COL11A1: variants seen among roughly 807,000 people sequenced by gnomAD.
COL11A1 encodes the protein collagen type XI alpha 1 chain.
Under a neutral mutation model 265.2 loss-of-function variants are expected in COL11A1, and 74 were observed. That is an observed-to-expected ratio of 0.28 (90% confidence interval 0.23 to 0.34). The LOEUF is 0.34. Among genes scored for constraint, COL11A1 ranks in the 10% least tolerant of loss-of-function variants. COL11A1 has a pLI of 1.00. For missense variants in COL11A1, 2,165 were observed against 2,263.6 expected, an observed-to-expected ratio of 0.96 and a Z score of 0.88; for synonymous variants, 816 against 727.6, an observed-to-expected ratio of 1.12 and a Z score of -1.96.
chr1:102,879,602 A>C, intron 66 of COL11A1, 81 bp downstream of exon 66: 1 of 1,253,644 alleles, frequency 8.0e-7, no homozygotes, highest in South Asian at 1.2e-5. Context: ...TTCATGAGAA[A>C]AATCTGGCTA....
chr1:102,980,117 C>T (rs562048937), intron 31 of COL11A1, among the ~76,000 whole-genome samples: 18 of 151,972 alleles, frequency 1.2e-4, no homozygotes, highest in African/African-American at 4.1e-4. Flanking sequence ...ATTACTTATG[C>T]GCATCAAGTA....
intron 7 of COL11A1, among the ~76,000 whole-genome samples, chr1:103,023,374 T>G (rs1167349658): frequency 6.6e-6 from 1 of 151,850 alleles, no homozygotes; most frequent in African/African-American, 2.4e-5. Context: ...TTCTTTCTTT[T>G]TTTTTTTTGA....
chr1:103,051,979 A>G (rs555902459), intron 4 of COL11A1, among the ~76,000 whole-genome samples: 40 of 152,318 alleles, frequency 2.6e-4, no homozygotes, highest in Admixed American at 1.7e-3. Context: ...AACAGTTTGT[A>G]TATGTAAAAA....
chr1:102,904,763 T>A (rs1483985988), intron 54 of COL11A1, among the ~76,000 whole-genome samples: 1 of 152,012 alleles, frequency 6.6e-6, no homozygotes, highest in Non-Finnish European at 1.5e-5. Flanking sequence ...AGGAACACTT[T>A]TACACTGTTG....
At chr1:102,941,223 C>T (rs1481819073) in intron 42 of COL11A1, among the ~76,000 whole-genome samples, 2 of 152,034 alleles carry the variant, frequency 1.3e-5, no homozygotes, top group African/African-American at 4.8e-5. Flanking sequence ...GACATTTTAT[C>T]TCCTAATTAT....
At chr1:102,904,147 T>C (rs1164967149) in intron 54 of COL11A1, among the ~76,000 whole-genome samples, 3 of 152,064 alleles carry the variant, frequency 2.0e-5, no homozygotes, top group Non-Finnish European at 4.4e-5. Flanking sequence ...TTGAATTAAA[T>C]TTTGTATAAG....
chr1:103,056,233 G>A (rs575464456), intron 4 of COL11A1, among the ~76,000 whole-genome samples: 2 of 152,006 alleles, frequency 1.3e-5, no homozygotes, highest in African/African-American at 4.8e-5. Context: ...TCTGAGATGA[G>A]AAAAATGAAG....
chr1:103,045,334 G>T (rs578117421), intron 4 of COL11A1, among the ~76,000 whole-genome samples: 4 of 152,246 alleles, frequency 2.6e-5, no homozygotes, highest in African/African-American at 9.6e-5. Context: ...CTACTTGAAA[G>T]AAATAGACTT....
chr1:103,045,952 T>TGGC (rs1669225466), intron 4 of COL11A1, among the ~76,000 whole-genome samples: 1 of 149,178 alleles, frequency 6.7e-6, no homozygotes, highest in South Asian at 2.1e-4. Context: ...GAACTCATCA[T>TGGC]TTTTTTATGG....
intron 35 of COL11A1, among the ~76,000 whole-genome samples, chr1:102,977,590 A>G (rs951516130): frequency 2.7e-4 from 41 of 152,164 alleles, no homozygotes; most frequent in Admixed American, 2.6e-3. Flanking sequence ...CTCTAAAAAC[A>G]AAACTCACAG....
chr1:102,914,759 G>C lies in COL11A1; in HGVS notation c.3869C>G (p.Ala1290Gly), dbSNP rs199555214. ...EKGEAGPPGA[A>G]GPPGAKGPPG... ...TGGCCCCTTGGCACCTGGAGGTCCAGCAGCTCCAGGTGGACCAGCTTCCCC... is the reference window on the plus strand; with the variant it reads ...TGGCCCCTTGGCACCTGGAGGTCCACCAGCTCCAGGTGGACCAGCTTCCCC... Residue 1290 changes from alanine to glycine, a missense_variant, in exon 51 of 67, where the codon GCT becomes GGT. By Grantham distance (60) the Ala-to-Gly change is moderately conservative (BLOSUM62 0). Transcript: ENST00000370096. 1 of 1,613,048 alleles carries C rather than the reference G, an allele frequency of 6.2e-7. No individual in the cohort carries two copies. The highest frequency in any genetic ancestry group is 2.2e-5 in the East Asian group (1 of 44,830).
intron 37 of COL11A1, among the ~76,000 whole-genome samples, chr1:102,970,017 T>A (rs1661804049): frequency 6.6e-6 from 1 of 151,892 alleles, no homozygotes; most frequent in African/African-American, 2.4e-5. Flanking sequence ...TCAACTAACA[T>A]CCTATTTCCT....
chr1:102,978,264 A>C (rs1307293400), intron 35 of COL11A1, among the ~76,000 whole-genome samples: 2 of 152,114 alleles, frequency 1.3e-5, no homozygotes, highest in African/African-American at 2.4e-5. Context: ...ACTGGAATAG[A>C]TGTTTTATCT....
In COL11A1 at chr1:103,070,412, C is replaced by T. The variant is rs146753206; in HGVS notation, c.651+4206G>A. Among the ~76,000 whole-genome samples the T allele has an allele frequency of 3.3e-3, 506 of 151,324 alleles. 5 individuals carry two copies. Among genetic ancestry groups the T allele is most frequent in the African/African-American group, 0.012 (486 of 41,360 alleles). On this transcript the variant is annotated intron_variant, in intron 4 of 66. Transcript: ENST00000370096. ...AAACCAATCAACATAATTCGACATA[C>T]TATTAATAACAAGGGAAAAAAAACG...
At chr1:102,970,318 A>C (rs1661839678) in intron 36 of COL11A1, 46 bp from the exon 37 acceptor site, 3 of 1,443,698 alleles carry the variant, frequency 2.1e-6, no homozygotes, top group Non-Finnish European at 1.9e-6. Flanking sequence ...ATATTTAATT[A>C]TTTTATAGTC....
intron 4 of COL11A1, among the ~76,000 whole-genome samples, chr1:103,037,882 G>A (rs1262958204): frequency 6.6e-6 from 1 of 152,040 alleles, no homozygotes; most frequent in Non-Finnish European, 1.5e-5. Context: ...TCTAAGATTA[G>A]ATATTTCATC....
intron 4 of COL11A1, among the ~76,000 whole-genome samples, chr1:103,070,209 A>AAAT (rs140020554): frequency 0.12 from 17,431 of 143,252 alleles, 1,128 homozygotes; most frequent in Non-Finnish European, 0.14. Flanking sequence ...CTACTCAGCA[A>AAAT]AATAATAATA....
At chr1:103,069,621 C>T (rs1275476975) in intron 4 of COL11A1, among the ~76,000 whole-genome samples, 2 of 151,794 alleles carry the variant, frequency 1.3e-5, no homozygotes, top group Admixed American at 6.6e-5. Context: ...AGGCAAGTCA[C>T]ATACTGGAAA....
Position 102,912,125 on chromosome 1 carries a change from CAT to C in COL11A1, c.4086+32_4086+33del, listed in dbSNP as rs745587130. 47 of 1,551,448 alleles carry C rather than the reference CAT, an allele frequency of 3.0e-5. 1 individual carries two copies. In the South Asian group the frequency reaches 4.8e-4, roughly 16 times the overall value. On this transcript the variant is annotated intron_variant, in intron 54 of 66. Coordinates refer to ENST00000370096, the MANE Select transcript of COL11A1 (RefSeq NM_001854.4). ...AAATTTATCCATGGTGACTAATGAG[CAT>C]ATGTTTCAAATAAAGAATTAAAGAA...
Sources: allele counts gnomAD v4.1 joint callset (sites outside exome capture counted in the v4.1 genomes callset), GRCh38; gene constraint gnomAD v4.1.1; transcripts MANE v1.5; gene names NCBI Gene and HGNC (gene_info 2026-07-23, HGNC 2026-07-21).